The following KAT6A variants were observed in gnomAD, a reference collection of about 807,000 sequenced individuals.
KAT6A encodes lysine acetyltransferase 6A.
KAT6A carries 9 observed loss-of-function variants against 198.4 expected under a neutral mutation model. That is an observed-to-expected ratio of 0.05 (90% CI 0.03 to 0.08). KAT6A has a LOEUF of 0.08. KAT6A is among the 10% of genes least tolerant of loss of function. The pLI, the probability that KAT6A is intolerant of heterozygous loss-of-function variation, is 1.00. For missense variants in KAT6A, 2,077 were observed against 2,509.9 expected, an observed-to-expected ratio of 0.83 and a Z score of 3.69; for synonymous variants, 890 against 883.0, an observed-to-expected ratio of 1.01 and a Z score of -0.14.
At chr8:41,979,660 T>C (rs1387833237) in intron 5 of KAT6A, among the ~76,000 whole-genome samples, 1 of 152,064 alleles carries the variant, frequency 6.6e-6, no homozygotes, top group Non-Finnish European at 1.5e-5. Flanking sequence ...TGGGTATTTA[T>C]TCTTTAGTAT....
intron 2 of KAT6A, among the ~76,000 whole-genome samples, chr8:42,028,173 T>C (rs189291670): frequency 7.7e-4 from 117 of 152,362 alleles, no homozygotes; most frequent in African/African-American, 2.7e-3. Context: ...TCCTAGAGAA[T>C]GATCCATGTG....
intron 12 of KAT6A, among the ~76,000 whole-genome samples, chr8:41,944,732 CCCCAATCA>C (rs1201397963): frequency 6.6e-6 from 1 of 152,076 alleles, no homozygotes; most frequent in Non-Finnish European, 1.5e-5. Flanking sequence ...ACACACACAC[CCCCAATCA>C]CCAAAAGTAA....
intron 2 of KAT6A, among the ~76,000 whole-genome samples, chr8:42,010,706 G>C (rs1825981153): frequency 6.6e-6 from 1 of 152,160 alleles, no homozygotes; most frequent in Non-Finnish European, 1.5e-5. Context: ...GATCTGGCTT[G>C]TGTAACAAAT....
intron 8 of KAT6A, among the ~76,000 whole-genome samples, chr8:41,972,194 C>CAAAT (rs34989915): frequency 0.1 from 15,895 of 151,900 alleles, 1,049 homozygotes; most frequent in East Asian, 0.24. Context: ...AATGAATAAA[C>CAAAT]AAATAGGAAG....
At chr8:41,955,435 A>C in intron 8 of KAT6A, 24 bp from the exon 9 acceptor site, 2 of 1,440,130 alleles carry the variant, frequency 1.4e-6, no homozygotes, top group Non-Finnish European at 1.9e-6. Context: ...AAATACATTC[A>C]AAAGTTAGCT....
intron 2 of KAT6A, among the ~76,000 whole-genome samples, chr8:42,014,570 A>G (rs565937500): frequency 2.0e-5 from 3 of 152,380 alleles, no homozygotes; most frequent in East Asian, 1.9e-4. Context: ...GTCAACAAAT[A>G]TACCTTCAAT....
At chr8:41,981,053 C>A in intron 4 of KAT6A, 126 bp from the exon 5 acceptor site, 1 of 694,918 alleles carries the variant, frequency 1.4e-6, no homozygotes, top group Admixed American at 2.1e-5. Flanking sequence ...GGCGCAATGG[C>A]TCACGCCTGT....
chr8:42,018,425 T>A (rs899964008), intron 2 of KAT6A, among the ~76,000 whole-genome samples: 1 of 152,096 alleles, frequency 6.6e-6, no homozygotes, highest in Non-Finnish European at 1.5e-5. Flanking sequence ...AGTAGGAGAA[T>A]CGCTTGAACC....
chr8:41,960,222 G>A (rs1823135334), intron 8 of KAT6A, among the ~76,000 whole-genome samples: 2 of 152,132 alleles, frequency 1.3e-5, no homozygotes, highest in Admixed American at 1.3e-4. Context: ...TCTGGAAATA[G>A]ATGATGGTGA....
At position 41,932,276 on chromosome 8, in the gene KAT6A, A is replaced by AG. The variant is rs747125100; in HGVS notation, c.5943dup (p.Ser1982LeufsTer34). On this transcript the variant is annotated frameshift_variant, in exon 17 of 17. Transcript: ENST00000265713. LOFTEE classifies it high-confidence loss of function. ...GCAGCGTTCATGTAGCTGTGATGGG[A>AG]GGGGCCTGTGTACATCATGTTCCCA... The AG allele has an allele frequency of 6.2e-7, 1 of 1,614,016 alleles. No homozygotes were observed. Among genetic ancestry groups the AG allele is most frequent in the Non-Finnish European group, 8.5e-7 (1 of 1,179,968 alleles).
intron 2 of KAT6A, among the ~76,000 whole-genome samples, chr8:42,015,075 C>CAG (rs2150911116): frequency 6.6e-6 from 1 of 152,238 alleles, no homozygotes; most frequent in East Asian, 1.9e-4. Flanking sequence ...GATAGTAAGG[C>CAG]AGAAGAGAGG....
intron 2 of KAT6A, among the ~76,000 whole-genome samples, chr8:42,013,168 GAC>G (rs1826101143): frequency 6.6e-6 from 1 of 150,632 alleles, no homozygotes; most frequent in Non-Finnish European, 1.5e-5. Flanking sequence ...CATAAAAGTA[GAC>G]ACAGAAAAGA....
intron 2 of KAT6A, among the ~76,000 whole-genome samples, chr8:42,013,935 G>A (rs1034877695): frequency 2.0e-5 from 3 of 152,068 alleles, no homozygotes; most frequent in African/African-American, 4.8e-5. Context: ...GAGGTCACAG[G>A]GTCTCTGTTA....
At chr8:41,938,878 G>A (rs138443143) in intron 15 of KAT6A, among the ~76,000 whole-genome samples, 81 of 151,434 alleles carry the variant, frequency 5.3e-4, no homozygotes, top group African/African-American at 1.8e-3. Context: ...ATCCCAGGAG[G>A]TGGAGGTTGC....
Position 42,040,672 on chromosome 8 carries a change from C to T in KAT6A, c.600+7706G>A, listed in dbSNP as rs971068881. ...ATCGCCTGAACCCAGGAGGCGGAGG[C>T]TGCAGTGAGCCGAGATCGCACCATT... On this transcript the variant is annotated intron_variant, in intron 2 of 16. Coordinates refer to ENST00000265713, the MANE Select transcript of KAT6A (RefSeq NM_006766.5). Among the ~76,000 whole-genome samples, 3 of 130,036 alleles carry T rather than the reference C, an allele frequency of 2.3e-5. 1 individual carries two copies. The highest frequency in any genetic ancestry group is 2.4e-4 in the East Asian group (1 of 4,228). 85.3% of individuals were successfully genotyped at this position (130,036 alleles called of 152,430 possible). A position where few individuals can be genotyped will look rare whatever the true frequency, so the allele number is the denominator to read the frequency against.
At chr8:41,935,987 C>T (rs938048896) in intron 16 of KAT6A, among the ~76,000 whole-genome samples, 3 of 152,164 alleles carry the variant, frequency 2.0e-5, no homozygotes, top group African/African-American at 7.2e-5. Flanking sequence ...GTTGGCCAGG[C>T]AGGGTGGCTC....
intron 2 of KAT6A, among the ~76,000 whole-genome samples, chr8:41,990,207 T>C (rs1431899514): frequency 6.6e-6 from 1 of 152,252 alleles, no homozygotes; most frequent in African/African-American, 2.4e-5. Context: ...AAAGTCATTC[T>C]GTAAGCAGTT....
intron 5 of KAT6A, 132 bp from the exon 6 acceptor site, chr8:41,978,909 C>T (rs1256927803): frequency 2.3e-5 from 17 of 732,924 alleles, no homozygotes; most frequent in Non-Finnish European, 3.6e-5. Context: ...TGAATACCCC[C>T]TCCAATCCAA....
chr8:41,989,910 T>A (rs1036295077), intron 2 of KAT6A, among the ~76,000 whole-genome samples: 2 of 152,190 alleles, frequency 1.3e-5, no homozygotes, highest in Non-Finnish European at 1.5e-5. Flanking sequence ...GCCAAGAGAC[T>A]GAGAGATGAA....
Sources: gnomAD v4.1 joint callset for allele counts (sites outside exome capture counted in the v4.1 genomes callset) on GRCh38, gnomAD v4.1.1 for gene constraint, MANE v1.5 for transcripts, NCBI Gene and HGNC (gene_info 2026-07-23, HGNC 2026-07-21) for gene names.